The following ELAVL3 variants were observed in gnomAD, a reference collection of about 807,000 sequenced individuals.
ELAVL3 encodes the protein ELAV like RNA binding protein 3, also known as ELAV-like protein 3.
Under a neutral mutation model 34.2 loss-of-function variants are expected in ELAVL3, and 8 were observed. The ratio of observed to expected loss-of-function variants is 0.23; its 90% CI spans 0.14 to 0.42. ELAVL3 has a LOEUF of 0.42. Ranked by LOEUF, ELAVL3 falls within the 10% of genes least tolerant of loss-of-function variation. ELAVL3 has a pLI of 1.00. For missense variants in ELAVL3, 273 were observed against 518.8 expected, an observed-to-expected ratio of 0.53 and a Z score of 4.60; for synonymous variants, 209 against 222.1, an observed-to-expected ratio of 0.94 and a Z score of 0.53.
At chr19:11,457,243 C>T (rs1198851904) in intron 5 of ELAVL3, 95 bp from the exon 6 acceptor site, 15 of 1,327,890 alleles carry the variant, frequency 1.1e-5, no homozygotes, top group Non-Finnish European at 1.5e-5. Flanking sequence ...ACCCAACAGG[C>T]CTGCAGCAGA....
In ELAVL3 at chr19:11,452,957, G is replaced by A. The variant is rs1970686240; in HGVS notation, c.*1569C>T. 6.6e-6 allele frequency: 1 copy of A among 152,268 alleles called. No homozygotes were observed. The highest frequency in any genetic ancestry group is 2.1e-4 in the South Asian group (1 of 4,836). The allele number at this position is 152,268 out of a possible 1,614,324, so 9.4% of individuals were successfully genotyped here. A position where few individuals can be genotyped will look rare whatever the true frequency, so the allele number is the denominator to read the frequency against. ...GGAAAGACGAAAAACCCAACAAACC[G>A]AAAGGGGATAGGTAGGTGACAAGTG... is the stretch of plus-strand genomic sequence containing the variant. On this transcript the variant is annotated 3_prime_UTR_variant, in exon 7 of 7. Coordinates refer to ENST00000359227, the MANE Select transcript of ELAVL3 (RefSeq NM_001420.4).
intron 3 of ELAVL3, among the ~76,000 whole-genome samples, chr19:11,461,138 C>G (rs1399521664): frequency 6.6e-6 from 1 of 151,668 alleles, no homozygotes; most frequent in African/African-American, 2.4e-5. Context: ...ATGATCACAC[C>G]ACTGCACTCC....
intron 1 of ELAVL3, among the ~76,000 whole-genome samples, chr19:11,476,943 G>C (rs1971274372): frequency 1.3e-5 from 2 of 151,840 alleles, no homozygotes; most frequent in South Asian, 4.2e-4. Flanking sequence ...AAAGAATTCA[G>C]TTCCAGGGTT....
chr19:11,477,467 G>C (rs543678757), intron 1 of ELAVL3, among the ~76,000 whole-genome samples: 2 of 152,138 alleles, frequency 1.3e-5, no homozygotes, highest in Admixed American at 6.6e-5. Flanking sequence ...GTAGAGATGA[G>C]GTTTTGCCAT....
chr19:11,471,945 G>T (rs1039810153), intron 1 of ELAVL3, among the ~76,000 whole-genome samples: 49 of 152,202 alleles, frequency 3.2e-4, no homozygotes, highest in Non-Finnish European at 4.4e-5. Flanking sequence ...ACAGTGCTGG[G>T]ATTTGACTGA....
At chr19:11,459,385 G>A (rs559131460) in intron 3 of ELAVL3, among the ~76,000 whole-genome samples, 12 of 151,612 alleles carry the variant, frequency 7.9e-5, no homozygotes, top group Non-Finnish European at 1.5e-4. Flanking sequence ...CGCTCATCTC[G>A]GCCTCCCAAA....
In ELAVL3 at chr19:11,454,243, A is replaced by G; in HGVS notation, c.*283T>C. 2.5e-6 allele frequency: 1 copy of G among 395,444 alleles called. No individual in the cohort carries two copies. Among genetic ancestry groups the G allele is most frequent in the Non-Finnish European group, 4.6e-6 (1 of 219,082 alleles). 24.5% of individuals were successfully genotyped at this position (395,444 alleles called of 1,614,324 possible). A position where few individuals can be genotyped will look rare whatever the true frequency, so the allele number is the denominator to read the frequency against. On this transcript the variant is annotated 3_prime_UTR_variant, in exon 7 of 7. Coordinates refer to ENST00000359227, the MANE Select transcript of ELAVL3 (RefSeq NM_001420.4). This position sits in a 1 kb window ranked among gnomAD's most constrained non-coding sequence, Gnocchi z 9.2. ...TCTTTTTAGCCGAAAAAAGAAACAA[A>G]AACCTTCACCATGAACCAAACCAAG... is the stretch of plus-strand genomic sequence containing the variant.
intron 3 of ELAVL3, among the ~76,000 whole-genome samples, chr19:11,459,979 T>C (rs1970849150): frequency 6.6e-6 from 1 of 152,082 alleles, no homozygotes; most frequent in Admixed American, 6.6e-5. Flanking sequence ...AGGTCTTTAG[T>C]CATCAGCTCC....
intron 3 of ELAVL3, among the ~76,000 whole-genome samples, chr19:11,461,162 G>A (rs777631250): frequency 4.0e-5 from 6 of 151,572 alleles, no homozygotes; most frequent in Non-Finnish European, 8.8e-5. Flanking sequence ...CTGGGCTACA[G>A]AGCAAGACCC....
intron 1 of ELAVL3, among the ~76,000 whole-genome samples, chr19:11,471,250 C>T (rs1971157251): frequency 6.6e-6 from 1 of 151,122 alleles, no homozygotes; most frequent in Admixed American, 6.6e-5. Flanking sequence ...GTGGAGGTTG[C>T]AGTGAGCTGA....
intron 3 of ELAVL3, among the ~76,000 whole-genome samples, chr19:11,461,280 A>T (rs775357086): frequency 6.6e-6 from 1 of 152,172 alleles, no homozygotes; most frequent in Non-Finnish European, 1.5e-5. Flanking sequence ...TCTATTTACA[A>T]AGCAGGGAAT....
chr19:11,461,440 G>T lies in ELAVL3; in HGVS notation c.334-2829C>A, dbSNP rs556040963. Among the ~76,000 whole-genome samples the T allele has an allele frequency of 2.0e-5, 3 of 151,698 alleles. No individual in the cohort carries two copies. The East Asian group carries it at 5.8e-4, about 29-fold the overall frequency. On this transcript the variant is annotated intron_variant, in intron 3 of 6. Transcript: ENST00000359227. The stretch of plus-strand genomic sequence containing the variant: ...ATCAGCAATTCTCCCCCTTATGTCT[G>T]CTGTATCTATTTTTCCTCCCTCCCT...
At chr19:11,456,219 C>G (rs1336563062) in intron 6 of ELAVL3, among the ~76,000 whole-genome samples, 2 of 151,766 alleles carry the variant, frequency 1.3e-5, no homozygotes, top group Non-Finnish European at 2.9e-5. Context: ...AGTTCTCTGC[C>G]TCAGCCTCCC....
At chr19:11,472,721 G>T (rs956827339) in intron 1 of ELAVL3, among the ~76,000 whole-genome samples, 1 of 151,542 alleles carries the variant, frequency 6.6e-6, no homozygotes, top group African/African-American at 2.4e-5. Context: ...AAAAGAAGAA[G>T]AAGAAGAAGG....
chr19:11,478,014 G>A (rs923944921), intron 1 of ELAVL3, among the ~76,000 whole-genome samples: 2 of 152,160 alleles, frequency 1.3e-5, no homozygotes, highest in African/African-American at 4.8e-5. Flanking sequence ...CACTGAGCAT[G>A]TGCAAAGTTT....
At chr19:11,461,606 GGTTT>G (rs1399718606) in intron 3 of ELAVL3, among the ~76,000 whole-genome samples, 1 of 151,088 alleles carries the variant, frequency 6.6e-6, no homozygotes, top group African/African-American at 2.4e-5. Flanking sequence ...TTTGTTTGTG[GGTTT>G]GTTTTGAGAT....
chr19:11,476,364 T>C (rs951227924), intron 1 of ELAVL3, among the ~76,000 whole-genome samples: 8 of 151,952 alleles, frequency 5.3e-5, no homozygotes, highest in Admixed American at 4.6e-4. Flanking sequence ...CACAGTGAGA[T>C]CTTGTTTCCA....
Position 11,454,459 on chromosome 19 carries a change from CTCTCTCTCTT to C in ELAVL3, c.*57_*66del, listed in dbSNP as rs1970723455. 1 of 1,399,160 alleles carries C rather than the reference CTCTCTCTCTT, an allele frequency of 7.1e-7. No homozygotes were observed. The highest frequency in any genetic ancestry group is 9.5e-7 in the Non-Finnish European group (1 of 1,051,382). 86.7% of individuals were successfully genotyped at this position (1,399,160 alleles called of 1,614,324 possible). On this transcript the variant is annotated 3_prime_UTR_variant, in exon 7 of 7. Transcript: ENST00000359227. The surrounding 1 kb of genome is among the most constrained non-coding windows in gnomAD (Gnocchi z 9.2). Reference sequence around the variant, plus strand: ...TCTCTCTTGGGCCCCTTCTCTCTCTCTCTCTCTCTTTCTCTCTCTCTCTCTCTGCTGCCCG... The same window carrying C: ...TCTCTCTTGGGCCCCTTCTCTCTCTCTCTCTCTCTCTCTCTCTGCTGCCCG...
intron 1 of ELAVL3, among the ~76,000 whole-genome samples, chr19:11,469,265 G>A (rs1340953919): frequency 2.0e-5 from 3 of 152,006 alleles, no homozygotes; most frequent in East Asian, 1.9e-4. Context: ...CATGAATTAC[G>A]TTAATTGATT....
Sources: allele counts gnomAD v4.1 joint callset (sites outside exome capture counted in the v4.1 genomes callset), GRCh38; gene constraint gnomAD v4.1.1; non-coding constraint Gnocchi (gnomAD v3.1); transcripts MANE v1.5; gene names NCBI Gene and HGNC (gene_info 2026-07-23, HGNC 2026-07-21).